FECH: variants seen among roughly 807,000 people sequenced by gnomAD.
The protein encoded by FECH is ferrochelatase.
A neutral mutation model predicts 56.9 loss-of-function variants in FECH; 40 were observed. The ratio of observed to expected loss-of-function variants is 0.70; its 90% CI spans 0.55 to 0.92. The LOEUF is 0.92. Ranked by LOEUF, FECH falls within the 40% of genes least tolerant of loss-of-function variation. FECH has a pLI of 0.00. For synonymous variants in FECH, 175 were observed against 198.6 expected (o/e 0.88, Z 1.00); for missense variants, 431 against 529.1 (o/e 0.81, Z 1.82).
chr18:57,554,512 G>A, intron 8 of FECH, 88 bp from the exon 9 acceptor site: 2 of 1,402,250 alleles, frequency 1.4e-6, no homozygotes, highest in Non-Finnish European at 2.0e-6. Context: ...CACACGCACT[G>A]CCCACTGCGG....
chr18:57,571,732 C>T lies in FECH; in HGVS notation c.315-192G>A, dbSNP rs1038231035. On this transcript the variant is annotated intron_variant, in intron 3 of 10. Coordinates refer to ENST00000262093, the MANE Select transcript of FECH (RefSeq NM_000140.5). Reference sequence around the variant, plus strand: ...GTAGAATAAGGAGCTAAAGCTATACCCTCTCTGAGGAATACCCAGCTGTGC... The same window carrying T: ...GTAGAATAAGGAGCTAAAGCTATACTCTCTCTGAGGAATACCCAGCTGTGC... 113 of 704,694 alleles carry T rather than the reference C, an allele frequency of 1.6e-4. 1 individual carries two copies. In the Middle Eastern group the frequency reaches 2.1e-3, roughly 13 times the overall value. The allele number at this position is 704,694 out of a possible 1,614,324, so 43.7% of individuals were successfully genotyped here.
At position 57,586,535 on chromosome 18, in the gene FECH, C is replaced by G; in HGVS notation, c.67+19G>C. ...TCAGGGATCCTGGCCCTGGCGGCCG[C>G]CGCGACAGACCCACTTACGCGGATC... On this transcript the variant is annotated intron_variant, in intron 1 of 10. Transcript: ENST00000262093. The G allele has an allele frequency of 5.9e-6, 9 of 1,519,528 alleles. No individual in the cohort carries two copies. The highest frequency in any genetic ancestry group is 7.9e-6 in the Non-Finnish European group (9 of 1,139,976). 94.1% of individuals were successfully genotyped at this position (1,519,528 alleles called of 1,614,324 possible). A position where few individuals can be genotyped will look rare whatever the true frequency, so the allele number is the denominator to read the frequency against.
chr18:57,553,594 C>G (rs1358852603), intron 9 of FECH, among the ~76,000 whole-genome samples: 1 of 152,152 alleles, frequency 6.6e-6, no homozygotes, highest in Non-Finnish European at 1.5e-5. Context: ...CTCTCAAAAG[C>G]CAGGACATAG....
At position 57,572,865 on chromosome 18, in the gene FECH, A is replaced by G. The variant is rs571533774; in HGVS notation, c.314+381T>C. 20 of 180,450 alleles carry G rather than the reference A, an allele frequency of 1.1e-4. No homozygotes were observed. In the South Asian group the frequency reaches 2.4e-3, roughly 22 times the overall value. 11.2% of individuals were successfully genotyped at this position (180,450 alleles called of 1,614,324 possible). On this transcript the variant is annotated intron_variant, in intron 3 of 10. Coordinates refer to ENST00000262093, the MANE Select transcript of FECH (RefSeq NM_000140.5). ...AAGAAGGGAAAGAAGGATGAAAGGA[A>G]AAGAAGGGCAGCAACAATCCATATT...
chr18:57,562,078 T>C (rs779385310), intron 6 of FECH, among the ~76,000 whole-genome samples: 3 of 152,184 alleles, frequency 2.0e-5, no homozygotes, highest in South Asian at 2.1e-4. Context: ...AAGTTGTTAG[T>C]AGGGTTTTTT....
Position 57,571,395 on chromosome 18 carries a change from T to G in FECH, c.460A>C (p.Thr154Pro). The stretch of plus-strand genomic sequence containing the variant: ...TGTTAATGAAGAAACACCATACCTG[T>G]GTTGGGGGACAATTCATCCAGCAGC... ...VKLLDELSPN[T>P]APHKYYIGFR... Residue 154 changes from threonine (T) to proline (P), a missense_variant, in exon 4 of 11, where the codon ACA (threonine) becomes CCA (proline). By Grantham distance (38) the Thr-to-Pro change is conservative. Coordinates refer to ENST00000262093, the MANE Select transcript of FECH (RefSeq NM_000140.5). The G allele has an allele frequency of 6.2e-7, 1 of 1,614,110 alleles. No homozygotes were observed. Among genetic ancestry groups the G allele is most frequent in the Non-Finnish European group, 8.5e-7 (1 of 1,180,006 alleles).
chr18:57,550,945 G>A, intron 10 of FECH, 99 bp from the exon 11 acceptor site: 1 of 1,533,944 alleles, frequency 6.5e-7, no homozygotes, highest in Non-Finnish European at 8.9e-7. Context: ...CTCTGGCTTG[G>A]GGTTTCTTTT....
chr18:57,554,086 A>C (rs903968878), intron 9 of FECH, among the ~76,000 whole-genome samples, 174 bp downstream of exon 9: 1 of 152,214 alleles, frequency 6.6e-6, no homozygotes, highest in African/African-American at 2.4e-5. Flanking sequence ...GCATGGAATT[A>C]ACTCAATGTG....
rs781035364 is a variant in FECH at position 57,554,269 on chromosome 18, T to C, written c.1068A>G (p.Leu356=). 6.2e-7 allele frequency: 1 copy of C among 1,614,246 alleles called. No homozygotes were observed. Among genetic ancestry groups the C allele is most frequent in the Non-Finnish European group, 8.5e-7 (1 of 1,180,032 alleles). ...AGATGGGTGCATTTACCTCCTTGGC[T>C]AAAACTTGAGAGTACTCGATGTCCA... The part of the protein sequence containing the change: ...YELDIEYSQV[L]AKECGVENIR... Residue 356 remains leucine (L), a synonymous_variant, in exon 9 of 11, where the codon TTA becomes TTG. Coordinates refer to ENST00000262093, the MANE Select transcript of FECH (RefSeq NM_000140.5).
rs912937716 is a variant in FECH, at chr18:57,546,672, T to C, written c.*4040A>G. 1.3e-5 allele frequency among the ~76,000 whole-genome samples: 2 copies of C among 152,140 alleles called. No homozygotes were observed. The highest frequency in any genetic ancestry group is 2.4e-5 in the African/African-American group (1 of 41,444). On this transcript the variant is annotated 3_prime_UTR_variant, in exon 11 of 11. Coordinates refer to ENST00000262093, the MANE Select transcript of FECH (RefSeq NM_000140.5). The stretch of plus-strand genomic sequence containing the variant: ...GATTATTCCGGAACTTTAAGATTTA[T>C]TGAGTAGGCCGGGGATGGTGGCTCA...
At position 57,544,701 on chromosome 18, in the gene FECH, A is replaced by G. The variant is rs1347844697; in HGVS notation, c.*6011T>C. ...GTTTTCAAATAATGGAAGACTATTC[A>G]AGTGTTCAAGTGTTTGTGAAAATCA... is the stretch of plus-strand genomic sequence containing the variant. On this transcript the variant is annotated 3_prime_UTR_variant, in exon 11 of 11. Transcript: ENST00000262093. 6.6e-6 allele frequency among the ~76,000 whole-genome samples: 1 copy of G among 152,244 alleles called. No homozygotes were observed. The highest frequency in any genetic ancestry group is 6.5e-5 in the Admixed American group (1 of 15,284).
At position 57,550,816 on chromosome 18, in the gene FECH, G is replaced by C; in HGVS notation, c.1168C>G (p.Gln390Glu). The C allele has an allele frequency of 6.2e-7, 1 of 1,614,096 alleles. No homozygotes were observed. Among genetic ancestry groups the C allele is most frequent in the Non-Finnish European group, 8.5e-7 (1 of 1,180,016 alleles). ...TGCTTGGAACACAGCTCGTTTGACT[G>C]GATGTGTGAATGCACCAAGTCGGCC... ...ALADLVHSHI[Q>E]SNELCSKQLT... The change falls in exon 11 of 11, where the codon CAG (glutamine) becomes GAG (glutamate). Residue 390 changes from glutamine (Q) to glutamate (E), a missense_variant. Physicochemically the swap from Gln to Glu is conservative, Grantham distance 29 (BLOSUM62 2). Coordinates refer to ENST00000262093, the MANE Select transcript of FECH (RefSeq NM_000140.5).
At chr18:57,552,066 TAGTGGCA>T (rs1212941333) in intron 9 of FECH, among the ~76,000 whole-genome samples, 1 of 152,094 alleles carries the variant, frequency 6.6e-6, no homozygotes, top group South Asian at 2.1e-4. Context: ...GTATTTTTGG[TAGTGGCA>T]AGGTTTCACC....
In FECH at chr18:57,566,697, C is replaced by T. The variant is rs1025846135; in HGVS notation, c.464-116G>A. On this transcript the variant is annotated intron_variant, in intron 4 of 10. Coordinates refer to ENST00000262093, the MANE Select transcript of FECH (RefSeq NM_000140.5). ...GAACAGTTCATGTAATTTCCTATGG[C>T]ACTGACGGTGAAGGCAAGTTTAGCA... 28 of 1,301,130 alleles carry T rather than the reference C, an allele frequency of 2.2e-5. No individual in the cohort carries two copies. The African/African-American group carries it at 3.4e-4, about 16-fold the overall frequency. 80.6% of individuals were successfully genotyped at this position (1,301,130 alleles called of 1,614,324 possible).
intron 1 of FECH, among the ~76,000 whole-genome samples, chr18:57,580,409 G>A (rs1382168931): frequency 6.6e-6 from 1 of 152,076 alleles, no homozygotes; most frequent in African/African-American, 2.4e-5. Flanking sequence ...TGGCCGATGA[G>A]AGCCTGCAGA....
At chr18:57,578,605 A>G (rs2051218155) in intron 2 of FECH, among the ~76,000 whole-genome samples, 1 of 151,840 alleles carries the variant, frequency 6.6e-6, no homozygotes. Flanking sequence ...ACTTAAGCCC[A>G]GGAGTTCAAG....
At chr18:57,586,507 T>C in intron 1 of FECH, 47 bp downstream of exon 1, 1 of 1,515,784 alleles carries the variant, frequency 6.6e-7, no homozygotes. Flanking sequence ...TGCCCACGCC[T>C]TCTCAGGGAT....
Position 57,547,049 on chromosome 18 carries a change from G to C in FECH, c.*3663C>G, listed in dbSNP as rs553533299. Among the ~76,000 whole-genome samples, 1 of 151,954 alleles carries C rather than the reference G, an allele frequency of 6.6e-6. No individual in the cohort carries two copies. Among genetic ancestry groups the C allele is most frequent in the African/African-American group, 2.4e-5 (1 of 41,422 alleles). On this transcript the variant is annotated 3_prime_UTR_variant, in exon 11 of 11. Coordinates refer to ENST00000262093, the MANE Select transcript of FECH (RefSeq NM_000140.5). ...GTGGTGCATGGGGCCTGTAGCCCCT[G>C]TGTTTTGGCCAATTTCTCCCATTTG...
chr18:57,549,965 G>A lies in FECH; in HGVS notation c.*747C>T, dbSNP rs923670337. 4.0e-4 allele frequency: 61 copies of A among 152,384 alleles called. No homozygotes were observed. Among genetic ancestry groups the A allele is most frequent in the African/African-American group, 1.4e-3 (60 of 41,572 alleles). 9.4% of individuals were successfully genotyped at this position (152,384 alleles called of 1,614,324 possible). A position where few individuals can be genotyped will look rare whatever the true frequency, so the allele number is the denominator to read the frequency against. ...CCAGCAGCACTGTCCCTGGAGACCA[G>A]AAGCAGTGGGAGCCCCTTCCCTGTG... On this transcript the variant is annotated 3_prime_UTR_variant, in exon 11 of 11. Coordinates refer to ENST00000262093, the MANE Select transcript of FECH (RefSeq NM_000140.5).
Sources: allele counts gnomAD v4.1 joint callset (sites outside exome capture counted in the v4.1 genomes callset), GRCh38; gene constraint gnomAD v4.1.1; transcripts MANE v1.5; gene names NCBI Gene and HGNC (gene_info 2026-07-23, HGNC 2026-07-21).